PARN: variants seen among roughly 807,000 people sequenced by gnomAD.
The protein encoded by PARN is poly(A)-specific ribonuclease PARN.
A neutral mutation model predicts 102.8 loss-of-function variants in PARN; 71 were observed. The observed-to-expected ratio is 0.69, with a 90% CI of 0.57 to 0.84. The LOEUF is 0.84. PARN is among the 40% of genes least tolerant of loss of function. The pLI is 0.00. For synonymous variants in PARN, 261 were observed against 252.9 expected (o/e 1.03, Z -0.30); for missense variants, 782 against 760.9 (o/e 1.03, Z -0.33).
chr16:14,601,114 G>C (rs1269295103), intron 11 of PARN, among the ~76,000 whole-genome samples: 1 of 151,932 alleles, frequency 6.6e-6, no homozygotes, highest in African/African-American at 2.4e-5. Context: ...TCCATTTCTG[G>C]GTATATACCC....
intron 21 of PARN, among the ~76,000 whole-genome samples, chr16:14,488,653 G>T (rs1242417972): frequency 6.6e-6 from 1 of 152,190 alleles, no homozygotes; most frequent in East Asian, 1.9e-4. Context: ...GGCAAATCAT[G>T]ACTATGATGA....
intron 5 of PARN, among the ~76,000 whole-genome samples, chr16:14,621,883 T>G (rs762120753): frequency 6.6e-6 from 1 of 150,916 alleles, no homozygotes; most frequent in Non-Finnish European, 1.5e-5. Context: ...TTGTCATAAA[T>G]GTAACATGTT....
At chr16:14,573,769 C>T (rs1194421828) in intron 18 of PARN, among the ~76,000 whole-genome samples, 1 of 152,160 alleles carries the variant, frequency 6.6e-6, no homozygotes, top group African/African-American at 2.4e-5. Context: ...AGGTTCCCTG[C>T]ACAAGCTCTC....
intron 22 of PARN, among the ~76,000 whole-genome samples, chr16:14,456,220 A>T (rs1258262526): frequency 2.6e-5 from 4 of 151,460 alleles, no homozygotes; most frequent in Admixed American, 2.0e-4. Context: ...CCTGGGCTAG[A>T]GAGCAGTGGT....
intron 21 of PARN, among the ~76,000 whole-genome samples, chr16:14,516,791 T>C (rs898172856): frequency 6.6e-6 from 1 of 152,178 alleles, no homozygotes; most frequent in African/African-American, 2.4e-5. Context: ...AATGTACACT[T>C]ACCTGTAAAA....
intron 21 of PARN, among the ~76,000 whole-genome samples, chr16:14,511,786 G>A (rs1447185345): frequency 2.0e-5 from 3 of 152,062 alleles, no homozygotes; most frequent in South Asian, 4.1e-4. Context: ...CTGCAGCCTC[G>A]AACTCCTGGC....
intron 21 of PARN, among the ~76,000 whole-genome samples, chr16:14,527,473 A>T (rs1331315604): frequency 6.6e-6 from 1 of 152,072 alleles, no homozygotes; most frequent in Non-Finnish European, 1.5e-5. Flanking sequence ...ATCTGTCATA[A>T]TTTTTTTCTT....
intron 18 of PARN, among the ~76,000 whole-genome samples, chr16:14,564,602 CAG>C (rs1968314911): frequency 6.6e-6 from 1 of 152,132 alleles, no homozygotes; most frequent in Admixed American, 6.5e-5. Flanking sequence ...TGTAGGGACA[CAG>C]AGGTTTAGTT....
chr16:14,477,435 G>A (rs1453354372), intron 22 of PARN, among the ~76,000 whole-genome samples: 1 of 140,052 alleles, frequency 7.1e-6, no homozygotes, highest in Non-Finnish European at 1.5e-5. Context: ...GCGAGAGTTC[G>A]TCTCAAAAAA....
chr16:14,588,772 C>T (rs1247336410), intron 13 of PARN, among the ~76,000 whole-genome samples: 1 of 152,022 alleles, frequency 6.6e-6, no homozygotes, highest in East Asian at 1.9e-4. Context: ...ATCCCAGCTA[C>T]TTGAGAGACT....
At chr16:14,444,618 C>T (rs1204171687) in intron 23 of PARN, among the ~76,000 whole-genome samples, 1 of 152,014 alleles carries the variant, frequency 6.6e-6, no homozygotes, top group African/African-American at 2.4e-5. Context: ...CTAAAAAAAT[C>T]CAGAAGAGAC....
intron 21 of PARN, among the ~76,000 whole-genome samples, chr16:14,497,861 C>T (rs1964395369): frequency 6.6e-6 from 1 of 152,188 alleles, no homozygotes; most frequent in African/African-American, 2.4e-5. Context: ...CGGTGGCTCA[C>T]ACCTGTAACC....
chr16:14,496,258 A>C (rs1360758101), intron 21 of PARN, among the ~76,000 whole-genome samples: 1 of 152,188 alleles, frequency 6.6e-6, no homozygotes, highest in Non-Finnish European at 1.5e-5. Flanking sequence ...AAAGCAGTCA[A>C]CAAAGCCTCT....
At chr16:14,630,038 T>C (rs980509043) in intron 1 of PARN, 69 bp downstream of exon 1, 66 of 1,401,080 alleles carry the variant, frequency 4.7e-5, no homozygotes, top group South Asian at 1.2e-5. Context: ...ACGCCGGCCA[T>C]GGTCTCGGCC....
rs769815361 is a variant in PARN, at chr16:14,628,129, A to C, written c.177+43T>G. On this transcript the variant is annotated intron_variant, in intron 3 of 23. Coordinates refer to ENST00000437198, the MANE Select transcript of PARN (RefSeq NM_002582.4). ...ATATTTATCATTTAACATAAGGAAG[A>C]CTAACATGAGAAAGAAAAAGATTTC... is the stretch of plus-strand genomic sequence containing the variant. 5.5e-6 allele frequency: 6 copies of C among 1,082,590 alleles called. 1 individual carries two copies. In the South Asian group the frequency reaches 7.7e-5, roughly 14 times the overall value. The allele number at this position is 1,082,590 out of a possible 1,614,324, so 67.1% of individuals were successfully genotyped here.
intron 13 of PARN, among the ~76,000 whole-genome samples, chr16:14,590,274 G>GAAAA (rs1212064093): frequency 1.4e-5 from 1 of 69,236 alleles, no homozygotes; most frequent in Non-Finnish European, 2.9e-5. Context: ...AAAGAGAAGA[G>GAAAA]AAAAAAAAAA....
chr16:14,593,287 A>G lies in PARN; in HGVS notation c.918+14T>C, dbSNP rs75783314. 53,507 of 1,434,300 alleles carry G rather than the reference A, an allele frequency of 0.037. 1,122 individuals are homozygous for G. The highest frequency in any genetic ancestry group is 0.053 in the African/African-American group (3,751 of 71,406). The allele number at this position is 1,434,300 out of a possible 1,614,324, so 88.8% of individuals were successfully genotyped here. A position where few individuals can be genotyped will look rare whatever the true frequency, so the allele number is the denominator to read the frequency against. ...ATCCTGCTAATATTAAACACAGACC[A>G]ACAGGTCACTTACCGCAGGCAGAGG... On this transcript the variant is annotated intron_variant, in intron 13 of 23. Transcript: ENST00000437198.
intron 23 of PARN, among the ~76,000 whole-genome samples, chr16:14,443,258 G>A (rs1394376288): frequency 1.3e-5 from 2 of 151,488 alleles, no homozygotes; most frequent in South Asian, 2.1e-4. Context: ...GTGTATCTTC[G>A]ATATCAAAAT....
Position 14,504,855 on chromosome 16 carries a change from T to C in PARN, c.1481-22028A>G, listed in dbSNP as rs184216585. On this transcript the variant is annotated intron_variant, in intron 21 of 23. Transcript: ENST00000437198. ...ACAGTTTCATATGGGTATTTTCCTA[T>C]ATGTATGTTAAGCCTCCATTTAAAA... Among the ~76,000 whole-genome samples the C allele has an allele frequency of 1.4e-3, 215 of 152,148 alleles. 2 individuals are homozygous for C. Among genetic ancestry groups the C allele is most frequent in the Non-Finnish European group, 6.3e-4 (43 of 68,032 alleles).
Sources: allele counts gnomAD v4.1 joint callset (sites outside exome capture counted in the v4.1 genomes callset), GRCh38; gene constraint gnomAD v4.1.1; transcripts MANE v1.5; gene names NCBI Gene and HGNC (gene_info 2026-07-23, HGNC 2026-07-21).